NAALADL2: variants seen among roughly 807,000 people sequenced by gnomAD.
The protein encoded by NAALADL2 is inactive N-acetylated-alpha-linked acidic dipeptidase-like protein 2.
A neutral mutation model predicts 87.2 loss-of-function variants in NAALADL2; 76 were observed. That is an observed-to-expected ratio of 0.87 (90% CI 0.72 to 1.05). NAALADL2 has a LOEUF of 1.05. Among genes scored for constraint, NAALADL2 ranks in the 50% least tolerant of loss-of-function variants. The pLI is 0.00. For synonymous variants in NAALADL2, 354 were observed against 331.0 expected (o/e 1.07, Z -0.75); for missense variants, 1,089 against 945.8 (o/e 1.15, Z -1.99).
chr3:175,249,467 A>C (rs1040958001), intron 3 of NAALADL2, among the ~76,000 whole-genome samples: 21 of 152,234 alleles, frequency 1.4e-4, no homozygotes, highest in African/African-American at 4.6e-4. Flanking sequence ...AAAAGGTATA[A>C]ATTTAATATT....
At chr3:175,557,427 A>T (rs1422363244) in intron 9 of NAALADL2, among the ~76,000 whole-genome samples, 1 of 152,168 alleles carries the variant, frequency 6.6e-6, no homozygotes, top group Non-Finnish European at 1.5e-5. Context: ...TAGTTATTAT[A>T]AAATGTACAA....
At chr3:175,087,621 C>G (rs1031222067) in intron 1 of NAALADL2, among the ~76,000 whole-genome samples, 5 of 152,160 alleles carry the variant, frequency 3.3e-5, no homozygotes, top group African/African-American at 9.7e-5. Flanking sequence ...CAACCCCGTG[C>G]TCTCTGAAAC....
rs2108391280 is a variant in NAALADL2, at chr3:175,809,534, A to G, written c.*6331A>G. ...CTTAAAAAAAAAAAAAAAAAAAAAAAAAAAAGAAAAGAAAAAGTAGCTAGG... is the reference window on the plus strand; with the variant it reads ...CTTAAAAAAAAAAAAAAAAAAAAAAGAAAAAGAAAAGAAAAAGTAGCTAGG... On this transcript the variant is annotated 3_prime_UTR_variant, in exon 14 of 14. Transcript: ENST00000454872. 6.7e-6 allele frequency: 1 copy of G among 149,206 alleles called. No homozygotes were observed. The highest frequency in any genetic ancestry group is 2.0e-4 in the East Asian group (1 of 5,092). 9.2% of individuals were successfully genotyped at this position (149,206 alleles called of 1,614,324 possible).
chr3:174,557,238 G>A (rs1463115856), intron 2 of NAALADL2, among the ~76,000 whole-genome samples: 1 of 151,758 alleles, frequency 6.6e-6, no homozygotes. Context: ...TGACCTACAC[G>A]AAATAGTTGA....
intron 11 of NAALADL2, among the ~76,000 whole-genome samples, chr3:175,627,978 C>A (rs1159421739): frequency 2.6e-5 from 4 of 151,378 alleles, no homozygotes; most frequent in African/African-American, 9.7e-5. Flanking sequence ...AAAAAGGCTA[C>A]TTTTTAAAAT....
chr3:174,918,032 TAA>T (rs1357358782), intron 1 of NAALADL2, among the ~76,000 whole-genome samples: 2 of 152,122 alleles, frequency 1.3e-5, no homozygotes, highest in Non-Finnish European at 2.9e-5. Flanking sequence ...TTTAAAAATA[TAA>T]GACATGTTTA....
At chr3:174,865,524 G>A (rs756527617) in intron 1 of NAALADL2, among the ~76,000 whole-genome samples, 3 of 151,854 alleles carry the variant, frequency 2.0e-5, no homozygotes, top group East Asian at 1.9e-4. Context: ...TAATGCAATC[G>A]TAGACCAGCC....
intron 3 of NAALADL2, among the ~76,000 whole-genome samples, chr3:174,765,712 G>T (rs532165561): frequency 2.6e-5 from 4 of 152,132 alleles, no homozygotes; most frequent in Non-Finnish European, 5.9e-5. Flanking sequence ...GATAATACAG[G>T]TTTTTATATT....
chr3:175,173,697 G>A (rs1474206831), intron 2 of NAALADL2, among the ~76,000 whole-genome samples: 1 of 152,026 alleles, frequency 6.6e-6, no homozygotes, highest in East Asian at 1.9e-4. Context: ...GTTCCCTATT[G>A]GTCTGTTTAG....
intron 1 of NAALADL2, among the ~76,000 whole-genome samples, chr3:174,886,585 A>G (rs1253879133): frequency 1.3e-5 from 2 of 152,158 alleles, no homozygotes; most frequent in African/African-American, 2.4e-5. Context: ...AAGAGTTAAG[A>G]ATGATTCATT....
chr3:175,435,645 T>C (rs974308439), intron 5 of NAALADL2, among the ~76,000 whole-genome samples: 2 of 152,080 alleles, frequency 1.3e-5, no homozygotes, highest in South Asian at 2.1e-4. Flanking sequence ...TCATATATTA[T>C]AGTCCTTTGT....
intron 5 of NAALADL2, among the ~76,000 whole-genome samples, chr3:175,353,829 A>G (rs972766800): frequency 5.9e-5 from 9 of 152,206 alleles, no homozygotes; most frequent in Admixed American, 1.3e-4. Context: ...TTCAGTGTCT[A>G]TGAGAGAAAG....
At chr3:175,242,783 C>T (rs956464768) in intron 3 of NAALADL2, among the ~76,000 whole-genome samples, 5 of 152,052 alleles carry the variant, frequency 3.3e-5, no homozygotes, top group Non-Finnish European at 7.4e-5. Flanking sequence ...AAGAAAGCCT[C>T]GGACCCTGCT....
In NAALADL2 at chr3:174,609,150, G is replaced by C. The variant is rs573899735; in HGVS notation, c.-115+58513G>C. Among the ~76,000 whole-genome samples the C allele has an allele frequency of 1.7e-4, 26 of 152,250 alleles. No homozygotes were observed. In the South Asian group the frequency reaches 5.2e-3, roughly 30 times the overall value. ...AAAAACTCTCAATAAATTAGGTATT[G>C]ATGGGATGTATGTCAAAATAATAAG... On this transcript the variant is annotated intron_variant, in intron 2 of 3. Transcript: ENST00000434257.
At chr3:174,566,289 TAC>T (rs1714254983) in intron 2 of NAALADL2, among the ~76,000 whole-genome samples, 1 of 151,938 alleles carries the variant, frequency 6.6e-6, no homozygotes. Context: ...ATTCTAGAAA[TAC>T]AGTTTATTCA....
Position 175,542,754 on chromosome 3 carries a change from C to A in NAALADL2, c.1654-33287C>A, listed in dbSNP as rs981946608. Among the ~76,000 whole-genome samples the A allele has an allele frequency of 3.3e-5, 5 of 152,134 alleles. No homozygotes were observed. The South Asian group carries it at 1.0e-3, about 32-fold the overall frequency. The stretch of plus-strand genomic sequence containing the variant: ...GAAAAAAAATCTGATGTAAGTGGAC[C>A]TACACAGTTTAAATTCATGTTGTTC... On this transcript the variant is annotated intron_variant, in intron 9 of 13. Coordinates refer to ENST00000454872, the MANE Select transcript of NAALADL2 (RefSeq NM_207015.3).
intron 11 of NAALADL2, among the ~76,000 whole-genome samples, chr3:175,641,364 C>T (rs141625184): frequency 2.0e-5 from 3 of 152,216 alleles, no homozygotes; most frequent in Non-Finnish European, 4.4e-5. Flanking sequence ...TCTTTCTTTG[C>T]TTTCCCTTTT....
Position 174,897,280 on chromosome 3 carries a change from T to C in NAALADL2, c.43+37830T>C, listed in dbSNP as rs188502993. 1.2e-3 allele frequency among the ~76,000 whole-genome samples: 190 copies of C among 152,184 alleles called. 1 individual carries two copies. The highest frequency in any genetic ancestry group is 4.2e-3 in the African/African-American group (175 of 41,542). ...ACAAATTACCCCTCTGACAAGGGAT[T>C]AATAGCCAGATTATATAAGGAGCTC... On this transcript the variant is annotated intron_variant, in intron 1 of 13. Transcript: ENST00000454872.
chr3:175,305,599 C>T (rs1414233777), intron 4 of NAALADL2, among the ~76,000 whole-genome samples: 13 of 152,030 alleles, frequency 8.6e-5, no homozygotes, highest in South Asian at 6.2e-4. Flanking sequence ...CTCGGCTCAC[C>T]GCAACCTCCA....
Sources: allele counts gnomAD v4.1 joint callset (sites outside exome capture counted in the v4.1 genomes callset), GRCh38; gene constraint gnomAD v4.1.1; transcripts MANE v1.5; gene names NCBI Gene and HGNC (gene_info 2026-07-23, HGNC 2026-07-21).